PAPPA: variants seen among roughly 807,000 people sequenced by gnomAD.
The protein encoded by PAPPA is pappalysin-1.
A neutral mutation model predicts 164.0 loss-of-function variants in PAPPA; 60 were observed. That is an observed-to-expected ratio of 0.37 (90% CI 0.30 to 0.45). The LOEUF is 0.45. Among genes scored for constraint, PAPPA ranks in the 20% least tolerant of loss-of-function variants. PAPPA has a pLI of 1.00. For synonymous variants in PAPPA, 875 were observed against 814.1 expected (o/e 1.07, Z -1.27); for missense variants, 1,782 against 2,087.3 (o/e 0.85, Z 2.85).
Position 116,302,912 on chromosome 9 carries a change from C to T in PAPPA, c.3109C>T (p.Pro1037Ser), listed in dbSNP as rs756557547. The T allele has an allele frequency of 1.2e-6, 2 of 1,614,020 alleles. No individual in the cohort carries two copies. The highest frequency in any genetic ancestry group is 3.3e-5 in the Admixed American group (2 of 60,014). ...ASVSHQDQQC[P>S]GWVIIGQPAA... is the part of the protein sequence containing the mutation. The stretch of plus-strand genomic sequence containing the variant: ...AGTATCTCATCAAGACCAGCAATGC[C>T]CAGGCTGGGTCATCATCGGACAGCC... Residue 1037 changes from proline (P) to serine (S), a missense_variant, in exon 10 of 22, where the codon CCA (proline) becomes TCA (serine). Transcript: ENST00000328252.
intron 9 of PAPPA, among the ~76,000 whole-genome samples, chr9:116,289,349 A>ATATATATAGCATATG (rs1845402538): frequency 1.5e-5 from 2 of 131,682 alleles, no homozygotes; most frequent in Non-Finnish European, 3.3e-5. Flanking sequence ...TATATATGGC[A>ATATATATAGCATATG]TATATATGGC....
intron 9 of PAPPA, among the ~76,000 whole-genome samples, chr9:116,290,972 A>C (rs1449101190): frequency 6.6e-6 from 1 of 152,016 alleles, no homozygotes; most frequent in East Asian, 1.9e-4. Context: ...CTTGGCTGCT[A>C]TATAATTCAT....
intron 6 of PAPPA, among the ~76,000 whole-genome samples, chr9:116,233,271 C>T (rs1844620594): frequency 6.6e-6 from 1 of 152,206 alleles, no homozygotes; most frequent in East Asian, 1.9e-4. Flanking sequence ...TGATGACAAT[C>T]AGATGAGTTA....
Position 116,154,719 on chromosome 9 carries a change from G to C in PAPPA, c.415+132G>C. The C allele has an allele frequency of 2.8e-6, 3 of 1,090,560 alleles. No individual in the cohort carries two copies. In the Admixed American group the frequency reaches 1.6e-4, roughly 59 times the overall value. 67.6% of individuals were successfully genotyped at this position (1,090,560 alleles called of 1,614,324 possible). ...GTGCGAGAGCTGCCCCGCGAGCGGC[G>C]CAGAGACATCCGGGCGAGCTGAGAG... is the stretch of plus-strand genomic sequence containing the variant. On this transcript the variant is annotated intron_variant, in intron 1 of 21. Transcript: ENST00000328252. The surrounding 1 kb of genome is among the most constrained non-coding windows in gnomAD (Gnocchi z 5.2).
At position 116,206,992 on chromosome 9, in the gene PAPPA, A is replaced by T. The variant is rs118152399; in HGVS notation, c.1479-464A>T. On this transcript the variant is annotated intron_variant, in intron 2 of 21. Transcript: ENST00000328252. The stretch of plus-strand genomic sequence containing the variant: ...GAGTAGGTTGTGTCTTGGAGGCTAT[A>T]TTGGGAACTTGAACTTTGTCTTTCA... 6.6e-3 allele frequency among the ~76,000 whole-genome samples: 1,010 copies of T among 152,250 alleles called. 36 individuals are homozygous for T. The East Asian group carries it at 0.11, about 17-fold the overall frequency.
chr9:116,357,250 T>A (rs1446757917), intron 17 of PAPPA, among the ~76,000 whole-genome samples: 1 of 152,246 alleles, frequency 6.6e-6, no homozygotes, highest in Non-Finnish European at 1.5e-5. Context: ...TAACTTTTAT[T>A]TAATTTGAAG....
intron 7 of PAPPA, 93 bp downstream of exon 7, chr9:116,235,730 CA>C: frequency 8.2e-7 from 1 of 1,215,170 alleles, no homozygotes; most frequent in South Asian, 1.3e-5. Flanking sequence ...GGGGAAGGTT[CA>C]TCACAGTCAA....
At chr9:116,254,070 C>A (rs1345433924) in intron 7 of PAPPA, among the ~76,000 whole-genome samples, 1 of 152,148 alleles carries the variant, frequency 6.6e-6, no homozygotes, top group Non-Finnish European at 1.5e-5. Flanking sequence ...AGCCAGTATA[C>A]CTCCTTGGGA....
rs1394619742 is a variant in PAPPA at position 116,401,481 on chromosome 9, G to GTCTC, written c.*4867_*4870dup. On this transcript the variant is annotated 3_prime_UTR_variant, in exon 22 of 22. Coordinates refer to ENST00000328252, the MANE Select transcript of PAPPA (RefSeq NM_002581.5). ...AACAATTATTGAGTTGCTTTCTTGG[G>GTCTC]TCTCTATAATCAATAACCTGTCTGC... 1 of 151,950 alleles carries GTCTC rather than the reference G, an allele frequency of 6.6e-6. No homozygotes were observed. Among genetic ancestry groups the GTCTC allele is most frequent in the East Asian group, 1.9e-4 (1 of 5,176 alleles). 9.4% of individuals were successfully genotyped at this position (151,950 alleles called of 1,614,324 possible).
Position 116,331,355 on chromosome 9 carries a change from C to T in PAPPA, c.3259C>T (p.Arg1087Trp), listed in dbSNP as rs762183020. Residue 1087 changes from arginine to tryptophan, a missense_variant and splice_region_variant, in exon 11 of 22, where the codon CGG becomes TGG. This residue lies in a region of PAPPA where 1,324 missense variants were observed against 1,656.9 expected (regional missense o/e 0.80). Coordinates refer to ENST00000328252, the MANE Select transcript of PAPPA (RefSeq NM_002581.5). ...SQLAQTTFWL[R>W]AYFSQPMVAA... ...GCTGGCTCAGACCACTTTTTGGCTCCGGGTAAGCTGAAGCTCTGAGAGCTT... is the reference window on the plus strand; with the variant it reads ...GCTGGCTCAGACCACTTTTTGGCTCTGGGTAAGCTGAAGCTCTGAGAGCTT... 7 of 1,586,886 alleles carry T rather than the reference C, an allele frequency of 4.4e-6. No individual in the cohort carries two copies. Among genetic ancestry groups the T allele is most frequent in the East Asian group, 2.2e-5 (1 of 44,728 alleles).
At chr9:116,193,999 C>T (rs1055367126) in intron 2 of PAPPA, among the ~76,000 whole-genome samples, 4 of 152,126 alleles carry the variant, frequency 2.6e-5, no homozygotes, top group African/African-American at 7.2e-5. Context: ...GTGGGCTGGC[C>T]AGACATGTAG....
chr9:116,228,379 G>A (rs1844542487), intron 6 of PAPPA, among the ~76,000 whole-genome samples: 1 of 152,108 alleles, frequency 6.6e-6, no homozygotes. Context: ...GCTCATGCCA[G>A]CAGTCACTGG....
In PAPPA at chr9:116,207,444, T is replaced by C; in HGVS notation, c.1479-12T>C. On this transcript the variant is annotated splice_polypyrimidine_tract_variant and intron_variant, in intron 2 of 21. Transcript: ENST00000328252. Reference sequence around the variant, plus strand: ...GGGCATGATAACAGCCAAGGTTCTTTTTCTGTTTCAGAGCCTACTTGGATG... The same window carrying C: ...GGGCATGATAACAGCCAAGGTTCTTCTTCTGTTTCAGAGCCTACTTGGATG... The C allele has an allele frequency of 4.4e-6, 7 of 1,600,796 alleles. No individual in the cohort carries two copies. In the African/African-American group the frequency reaches 6.7e-5, roughly 15 times the overall value.
rs776179697 is a variant in PAPPA at position 116,347,634 on chromosome 9, G to A, written c.3964+425G>A. 2.2e-4 allele frequency among the ~76,000 whole-genome samples: 33 copies of A among 152,182 alleles called. No homozygotes were observed. Among genetic ancestry groups the A allele is most frequent in the Non-Finnish European group, 4.0e-4 (27 of 68,032 alleles). On this transcript the variant is annotated intron_variant, in intron 15 of 21. Coordinates refer to ENST00000328252, the MANE Select transcript of PAPPA (RefSeq NM_002581.5). The surrounding 1 kb of genome is among the most constrained non-coding windows in gnomAD (Gnocchi z 4.5). The stretch of plus-strand genomic sequence containing the variant: ...AGATGAGGAAACCAAGCCTCAGAGG[G>A]TTTAAAGAACTTGCCCAAGGCTGCA...
Position 116,235,136 on chromosome 9 carries a change from T to C in PAPPA, c.2234-3T>C, listed in dbSNP as rs1246822853. 1.2e-6 allele frequency: 2 copies of C among 1,614,046 alleles called. No individual in the cohort carries two copies. The highest frequency in any genetic ancestry group is 1.3e-5 in the African/African-American group (1 of 74,946). On this transcript the variant is annotated splice_region_variant and splice_polypyrimidine_tract_variant and intron_variant, in intron 6 of 21. Transcript: ENST00000328252. ...AACTCATTCCCTCATCTCTTCTGCA[T>C]AGGTCATCCTGATGTTGAACAGCCC... is the stretch of plus-strand genomic sequence containing the variant.
In PAPPA at chr9:116,154,180, T is replaced by C; in HGVS notation, c.8T>C (p.Leu3Pro). Residue 3 changes from leucine to proline, a missense_variant, in exon 1 of 22, where the codon CTC (leucine) becomes CCC (proline). Leu to Pro is a moderately conservative substitution (Grantham distance 98). Around this residue, in one of 2 missense-constraint regions of PAPPA, gnomAD observed 458 missense variants for 430.3 expected, o/e 1.06. Transcript: ENST00000328252. This position sits in a 1 kb window ranked among gnomAD's most constrained non-coding sequence, Gnocchi z 5.2. ...CGGGGGGAACCGTCGGACATGCGGCTCTGGAGTTGGGTGCTGCACCTGGGG... is the reference window on the plus strand; with the variant it reads ...CGGGGGGAACCGTCGGACATGCGGCCCTGGAGTTGGGTGCTGCACCTGGGG... Reference protein sequence around the residue: MRLWSWVLHLGLL... With the variant: MRPWSWVLHLGLL... 1.3e-6 allele frequency: 2 copies of C among 1,484,938 alleles called. No individual in the cohort carries two copies. The highest frequency in any genetic ancestry group is 1.4e-5 in the African/African-American group (1 of 69,132). The allele number at this position is 1,484,938 out of a possible 1,614,324, so 92.0% of individuals were successfully genotyped here. A position where few individuals can be genotyped will look rare whatever the true frequency, so the allele number is the denominator to read the frequency against.
chr9:116,387,293 C>CCTAA (rs1846827769), intron 21 of PAPPA, among the ~76,000 whole-genome samples: 1 of 152,182 alleles, frequency 6.6e-6, no homozygotes, highest in South Asian at 2.1e-4. Context: ...TTTAGGATTT[C>CCTAA]CTAACTGAAC....
chr9:116,195,150 A>T (rs573665939), intron 2 of PAPPA, among the ~76,000 whole-genome samples: 1 of 152,256 alleles, frequency 6.6e-6, no homozygotes, highest in Non-Finnish European at 1.5e-5. Context: ...TCCAGCCCTC[A>T]TGCCTGCTTG....
intron 9 of PAPPA, among the ~76,000 whole-genome samples, chr9:116,289,901 A>G (rs1356347562): frequency 6.6e-6 from 1 of 152,180 alleles, no homozygotes; most frequent in African/African-American, 2.4e-5. Flanking sequence ...GTGAAGGTGA[A>G]AACTATTTGT....
Sources: gnomAD v4.1 joint callset for allele counts (sites outside exome capture counted in the v4.1 genomes callset) on GRCh38, gnomAD v4.1.1 for gene constraint, gnomAD v4.1.1 regional missense constraint, Gnocchi (gnomAD v3.1) non-coding constraint, MANE v1.5 for transcripts, NCBI Gene and HGNC (gene_info 2026-07-23, HGNC 2026-07-21) for gene names.